Variants in MMP16 observed in about 807,000 individuals in gnomAD.
MMP16 encodes matrix metallopeptidase 16.
MMP16 carries 12 observed loss-of-function variants against 67.8 expected under a neutral mutation model. The observed-to-expected ratio is 0.18, with a 90% CI of 0.11 to 0.29. The LOEUF (loss-of-function observed/expected upper bound fraction) is 0.29. Ranked by LOEUF, MMP16 falls within the 10% of genes least tolerant of loss-of-function variation. MMP16 has a pLI of 1.00. For synonymous variants in MMP16, 249 were observed against 255.9 expected (o/e 0.97, Z 0.26); for missense variants, 475 against 765.7 (o/e 0.62, Z 4.48).
chr8:88,056,013 C>G (rs1808327706), intron 8 of MMP16, 115 bp downstream of exon 8: 1 of 692,432 alleles, frequency 1.4e-6, no homozygotes, highest in Middle Eastern at 2.8e-4. Context: ...TGCATTAACT[C>G]CTGTGTTAAA....
chr8:88,294,365 GAT>G (rs1810973798), intron 1 of MMP16, among the ~76,000 whole-genome samples: 1 of 147,394 alleles, frequency 6.8e-6, no homozygotes, highest in South Asian at 2.1e-4. Context: ...TATATATGTA[GAT>G]ATACACACAT....
chr8:88,151,571 G>A (rs1229179277), intron 4 of MMP16, among the ~76,000 whole-genome samples: 16 of 136,270 alleles, frequency 1.2e-4, no homozygotes, highest in African/African-American at 2.7e-4. Flanking sequence ...ACTCAAAGCC[G>A]CTCAACTACA....
At chr8:88,225,848 T>A (rs150500952) in intron 1 of MMP16, among the ~76,000 whole-genome samples, 18 of 152,140 alleles carry the variant, frequency 1.2e-4, no homozygotes, top group African/African-American at 4.1e-4. Context: ...CTATTTTGTA[T>A]GGGACACTGT....
At chr8:88,122,784 T>G (rs1807860801) in intron 4 of MMP16, among the ~76,000 whole-genome samples, 1 of 150,888 alleles carries the variant, frequency 6.6e-6, no homozygotes, top group African/African-American at 2.4e-5. Context: ...ACACTCACAT[T>G]GTATCAGGGT....
At chr8:88,238,845 C>T (rs895789820) in intron 1 of MMP16, among the ~76,000 whole-genome samples, 11 of 151,944 alleles carry the variant, frequency 7.2e-5, no homozygotes, top group East Asian at 3.9e-4. Context: ...AAAATTTTGG[C>T]TGGGTGCAGT....
chr8:88,235,879 G>A (rs910331319), intron 1 of MMP16, among the ~76,000 whole-genome samples: 1 of 151,614 alleles, frequency 6.6e-6, no homozygotes, highest in Non-Finnish European at 1.5e-5. Flanking sequence ...TTAATAAAGT[G>A]AAATTATATT....
At chr8:88,183,538 C>T (rs186079718) in intron 3 of MMP16, among the ~76,000 whole-genome samples, 19 of 152,054 alleles carry the variant, frequency 1.2e-4, no homozygotes, top group Middle Eastern at 3.4e-3. Flanking sequence ...CTTTTACTTC[C>T]TTTTCTTTCT....
At chr8:88,183,330 G>T (rs1357809155) in intron 3 of MMP16, among the ~76,000 whole-genome samples, 2 of 152,146 alleles carry the variant, frequency 1.3e-5, no homozygotes, top group African/African-American at 4.8e-5. Flanking sequence ...AGGGTATGCA[G>T]TAACTCTGTG....
chr8:88,255,265 T>C (rs1046773629), intron 1 of MMP16, among the ~76,000 whole-genome samples: 4 of 152,168 alleles, frequency 2.6e-5, no homozygotes, highest in African/African-American at 7.2e-5. Flanking sequence ...TCTGTCTTGC[T>C]TCCTCTTTCA....
chr8:88,189,644 G>A (rs912416680), intron 2 of MMP16, among the ~76,000 whole-genome samples: 4 of 152,184 alleles, frequency 2.6e-5, no homozygotes, highest in African/African-American at 7.2e-5. Context: ...TCTACCTAGT[G>A]AGGGTGTCCC....
chr8:88,145,871 C>T (rs1386094988), intron 4 of MMP16, among the ~76,000 whole-genome samples: 2 of 152,064 alleles, frequency 1.3e-5, no homozygotes, highest in Middle Eastern at 3.4e-3. Flanking sequence ...TTCAGAAATG[C>T]TACCAGTATC....
chr8:88,217,076 ATTGTTCT>A (rs1809606246), intron 1 of MMP16, among the ~76,000 whole-genome samples: 1 of 152,054 alleles, frequency 6.6e-6, no homozygotes, highest in African/African-American at 2.4e-5. Context: ...AACTAGTATC[ATTGTTCT>A]TCCAATGTTT....
intron 1 of MMP16, among the ~76,000 whole-genome samples, chr8:88,304,618 G>A (rs1024635751): frequency 3.3e-5 from 5 of 152,166 alleles, no homozygotes; most frequent in African/African-American, 1.2e-4. Flanking sequence ...ACCCTACAAG[G>A]CAGAAGAGAT....
intron 3 of MMP16, among the ~76,000 whole-genome samples, chr8:88,171,082 G>C (rs1808792742): frequency 6.6e-6 from 1 of 152,084 alleles, no homozygotes; most frequent in Admixed American, 6.6e-5. Flanking sequence ...ATGGTAGTAT[G>C]ATTTGTTTCT....
chr8:88,224,474 A>G (rs1221963006), intron 1 of MMP16, among the ~76,000 whole-genome samples: 1 of 152,038 alleles, frequency 6.6e-6, no homozygotes, highest in South Asian at 2.1e-4. Flanking sequence ...GACAGTTTAT[A>G]TAAAATGATC....
intron 1 of MMP16, among the ~76,000 whole-genome samples, chr8:88,229,935 A>C (rs1357763474): frequency 6.6e-6 from 1 of 152,104 alleles, no homozygotes; most frequent in Non-Finnish European, 1.5e-5. Flanking sequence ...TTATTTCTTC[A>C]CCTCTGAATC....
At chr8:88,247,288 A>T (rs1204731883) in intron 1 of MMP16, among the ~76,000 whole-genome samples, 1 of 152,190 alleles carries the variant, frequency 6.6e-6, no homozygotes, top group African/African-American at 2.4e-5. Flanking sequence ...AAGTATAAAT[A>T]TTCCACAGGA....
chr8:88,242,712 T>G (rs140804609), intron 1 of MMP16, among the ~76,000 whole-genome samples: 3,841 of 152,202 alleles, frequency 0.025, 71 homozygotes, highest in Non-Finnish European at 0.035. Context: ...CTCTGAAATA[T>G]TAAGTGTAGC....
intron 1 of MMP16, among the ~76,000 whole-genome samples, chr8:88,197,736 G>A (rs17722347): frequency 0.053 from 8,009 of 152,132 alleles, 230 homozygotes; most frequent in South Asian, 0.071. Flanking sequence ...TAAAAAAGCC[G>A]TCTTCCTGAA....
Sources: gnomAD v4.1 joint callset for allele counts (sites outside exome capture counted in the v4.1 genomes callset) on GRCh38, gnomAD v4.1.1 for gene constraint, MANE v1.5 for transcripts, NCBI Gene and HGNC (gene_info 2026-07-23, HGNC 2026-07-21) for gene names.